NXPH1: variants seen among roughly 807,000 people sequenced by gnomAD.
The protein encoded by NXPH1 is neurexophilin 1.
In NXPH1, 5 loss-of-function variants were observed where a neutral mutation model predicts 23.7. The observed-to-expected ratio is 0.21, with a 90% CI of 0.11 to 0.44. The LOEUF (loss-of-function observed/expected upper bound fraction) is 0.44. NXPH1 is among the 20% of genes least tolerant of loss of function. The pLI, the probability that NXPH1 is intolerant of heterozygous loss-of-function variation, is 0.99. For missense variants in NXPH1, 324 were observed against 321.6 expected (o/e 1.01, Z -0.06); for synonymous variants, 144 against 122.2 (o/e 1.18, Z -1.18).
intron 2 of NXPH1, among the ~76,000 whole-genome samples, chr7:8,676,064 T>A (rs1820946789): frequency 1.3e-5 from 2 of 152,190 alleles, no homozygotes; most frequent in South Asian, 4.1e-4. Flanking sequence ...TTAACCATAG[T>A]CAGTGCCACA....
chr7:8,677,231 T>C (rs1820965567), intron 2 of NXPH1, among the ~76,000 whole-genome samples: 1 of 152,234 alleles, frequency 6.6e-6, no homozygotes, highest in Non-Finnish European at 1.5e-5. Flanking sequence ...AGGTTGATAA[T>C]GACAGAATTT....
intron 2 of NXPH1, among the ~76,000 whole-genome samples, chr7:8,637,934 G>A (rs937723926): frequency 6.6e-6 from 1 of 152,164 alleles, no homozygotes; most frequent in African/African-American, 2.4e-5. Flanking sequence ...CACTGAATAA[G>A]CTGAGCCCAT....
At chr7:8,459,731 T>C (rs1159416000) in intron 2 of NXPH1, among the ~76,000 whole-genome samples, 4 of 152,142 alleles carry the variant, frequency 2.6e-5, no homozygotes, top group Non-Finnish European at 5.9e-5. Context: ...AAGGAAAATC[T>C]AGGGGAAAAG....
At chr7:8,452,957 G>A (rs1344977784) in intron 2 of NXPH1, among the ~76,000 whole-genome samples, 2 of 152,058 alleles carry the variant, frequency 1.3e-5, no homozygotes, top group African/African-American at 4.8e-5. Flanking sequence ...TTCCTAGTTT[G>A]CTTTTCTGGG....
chr7:8,468,645 A>G (rs1816822204), intron 2 of NXPH1, among the ~76,000 whole-genome samples: 1 of 152,104 alleles, frequency 6.6e-6, no homozygotes, highest in African/African-American at 2.4e-5. Flanking sequence ...ACTCCCTGGA[A>G]GTCTCCAAGA....
rs572621786 is a variant in NXPH1, at chr7:8,490,428, C to A, written c.54+54661C>A. On this transcript the variant is annotated intron_variant, in intron 2 of 2. Transcript: ENST00000405863. ...ACAGGCTGTTTTTTTTTTTTTTAAG[C>A]AAATTGTAAATTTAATTAGCTGATT... 4.6e-4 allele frequency among the ~76,000 whole-genome samples: 69 copies of A among 149,464 alleles called. 1 individual carries two copies. The highest frequency in any genetic ancestry group is 3.4e-3 in the Middle Eastern group (1 of 292).
At chr7:8,657,728 A>G (rs971560254) in intron 2 of NXPH1, among the ~76,000 whole-genome samples, 1 of 152,222 alleles carries the variant, frequency 6.6e-6, no homozygotes, top group African/African-American at 2.4e-5. Context: ...CAATTGGAAT[A>G]TTAAGAAAGC....
intron 2 of NXPH1, among the ~76,000 whole-genome samples, chr7:8,622,016 G>C (rs1299050253): frequency 2.0e-5 from 3 of 152,068 alleles, no homozygotes; most frequent in African/African-American, 7.2e-5. Context: ...ATGGTCCTCT[G>C]CACATTTCGG....
chr7:8,468,053 C>T (rs1029810782), intron 2 of NXPH1, among the ~76,000 whole-genome samples: 1 of 152,048 alleles, frequency 6.6e-6, no homozygotes, highest in Non-Finnish European at 1.5e-5. Context: ...ATCCATACTC[C>T]ATTTAAATAA....
chr7:8,498,723 T>C (rs1584194674), intron 2 of NXPH1, among the ~76,000 whole-genome samples: 1 of 152,196 alleles, frequency 6.6e-6, no homozygotes, highest in East Asian at 1.9e-4. Context: ...ATGAACACTC[T>C]ATTTTCAGGA....
intron 2 of NXPH1, among the ~76,000 whole-genome samples, chr7:8,502,870 A>G (rs555654063): frequency 6.6e-6 from 1 of 152,010 alleles, no homozygotes; most frequent in Non-Finnish European, 1.5e-5. Flanking sequence ...GTGCAGCAAT[A>G]CTGTCTCAGA....
intron 2 of NXPH1, among the ~76,000 whole-genome samples, chr7:8,646,246 T>C (rs1158677012): frequency 6.6e-6 from 1 of 152,158 alleles, no homozygotes; most frequent in Non-Finnish European, 1.5e-5. Context: ...TATTTTTTAT[T>C]GTAAATGAAC....
At position 8,442,844 on chromosome 7, in the gene NXPH1, G is replaced by T. The variant is rs1240685897; in HGVS notation, c.54+7077G>T. ...CTGTTTCTGGGTAATTTTCGTCGACGCCACCAAGCTTCGGTGCTTTTGGGA... is the reference window on the plus strand; with the variant it reads ...CTGTTTCTGGGTAATTTTCGTCGACTCCACCAAGCTTCGGTGCTTTTGGGA... On this transcript the variant is annotated intron_variant, in intron 2 of 2. Transcript: ENST00000405863. This position sits in a 1 kb window ranked among gnomAD's most constrained non-coding sequence, Gnocchi z 4.6. 6.6e-6 allele frequency among the ~76,000 whole-genome samples: 1 copy of T among 152,240 alleles called. No homozygotes were observed. The highest frequency in any genetic ancestry group is 1.9e-4 in the East Asian group (1 of 5,192).
intron 2 of NXPH1, among the ~76,000 whole-genome samples, chr7:8,449,713 CAT>C (rs1563313461): frequency 6.6e-6 from 1 of 152,172 alleles, no homozygotes; most frequent in East Asian, 1.9e-4. Flanking sequence ...TGGAGAGTCT[CAT>C]AAAAATATTT....
intron 2 of NXPH1, among the ~76,000 whole-genome samples, chr7:8,664,852 T>G (rs1186980956): frequency 6.6e-6 from 1 of 152,042 alleles, no homozygotes; most frequent in Non-Finnish European, 1.5e-5. Context: ...CTATTCAGTT[T>G]ATTTGACTGT....
In NXPH1 at chr7:8,560,908, C is replaced by G. The variant is rs183576278; in HGVS notation, c.54+125141C>G. 5.9e-5 allele frequency among the ~76,000 whole-genome samples: 9 copies of G among 151,768 alleles called. No individual in the cohort carries two copies. The East Asian group carries it at 1.4e-3, about 23-fold the overall frequency. ...CCACACATTGTTATTCATAACACAT[C>G]TGGCTGCAGGTTACAGCATTTTGGC... is the stretch of plus-strand genomic sequence containing the variant. On this transcript the variant is annotated intron_variant, in intron 2 of 2. Transcript: ENST00000405863.
chr7:8,566,358 A>G (rs1350102292), intron 2 of NXPH1, among the ~76,000 whole-genome samples: 1 of 151,836 alleles, frequency 6.6e-6, no homozygotes, highest in East Asian at 1.9e-4. Flanking sequence ...TTAATTTTAA[A>G]TGTCCACTTG....
intron 2 of NXPH1, among the ~76,000 whole-genome samples, chr7:8,717,894 G>GTATATATA (rs3059127): frequency 0.17 from 24,794 of 146,898 alleles, 2,191 homozygotes; most frequent in East Asian, 0.34. Context: ...CTCTCTGTGT[G>GTATATATA]TATATATATA....
At chr7:8,519,839 T>C (rs1444875951) in intron 2 of NXPH1, among the ~76,000 whole-genome samples, 3 of 152,122 alleles carry the variant, frequency 2.0e-5, no homozygotes, top group Non-Finnish European at 4.4e-5. Context: ...TTTATACACA[T>C]GTATACATAC....
Sources: gnomAD v4.1 joint callset for allele counts (sites outside exome capture counted in the v4.1 genomes callset) on GRCh38, gnomAD v4.1.1 for gene constraint, Gnocchi (gnomAD v3.1) non-coding constraint, MANE v1.5 for transcripts, NCBI Gene and HGNC (gene_info 2026-07-23, HGNC 2026-07-21) for gene names.